NLGN1: variants seen among roughly 807,000 people sequenced by gnomAD.
NLGN1 encodes the protein neuroligin-1.
NLGN1 carries 12 observed loss-of-function variants against 65.5 expected under a neutral mutation model. The observed-to-expected ratio is 0.18, with a 90% CI of 0.12 to 0.30. The LOEUF (loss-of-function observed/expected upper bound fraction) is 0.30, where lower values mean the gene tolerates loss of function less well. Ranked by LOEUF, NLGN1 falls within the 10% of genes least tolerant of loss-of-function variation. The probability of loss-of-function intolerance (pLI) is 1.00; values close to 1 mark genes in which losing one functional copy is unlikely to be tolerated. For synonymous variants in NLGN1, 350 were observed against 359.5 expected (o/e 0.97, Z 0.30); for missense variants, 750 against 1,007.1 (o/e 0.74, Z 3.46).
intron 2 of NLGN1, among the ~76,000 whole-genome samples, chr3:173,476,548 A>G (rs1553861732): frequency 6.6e-6 from 1 of 152,186 alleles, no homozygotes; most frequent in Non-Finnish European, 1.5e-5. Flanking sequence ...ATAGAAGAAT[A>G]TAGAGCGTTT....
chr3:173,397,492 T>C (rs1280268400), upstream of NLGN1, among the ~76,000 whole-genome samples: 1 of 152,060 alleles, frequency 6.6e-6, no homozygotes, highest in Non-Finnish European at 1.5e-5. Flanking sequence ...GTTTGTAAAT[T>C]GCCCGTTTTG....
chr3:173,610,923 TAAAG>T (rs760210940), intron 3 of NLGN1, among the ~76,000 whole-genome samples: 5 of 151,870 alleles, frequency 3.3e-5, no homozygotes, highest in Non-Finnish European at 5.9e-5. Context: ...ATAGAAGAAA[TAAAG>T]AAATATTTTT....
At chr3:173,851,272 T>C (rs796279769) in intron 4 of NLGN1, among the ~76,000 whole-genome samples, 8 of 152,320 alleles carry the variant, frequency 5.3e-5, no homozygotes, top group African/African-American at 1.9e-4. Context: ...AAAGTATAAA[T>C]TAAATTAATG....
At chr3:173,809,208 C>T (rs1299629024) in intron 4 of NLGN1, among the ~76,000 whole-genome samples, 1 of 152,082 alleles carries the variant, frequency 6.6e-6, no homozygotes, top group East Asian at 1.9e-4. Context: ...TTTCTGTGGG[C>T]TGGGATGAGT....
At chr3:174,101,664 G>A (rs780402920) in intron 4 of NLGN1, among the ~76,000 whole-genome samples, 4 of 152,142 alleles carry the variant, frequency 2.6e-5, no homozygotes, top group African/African-American at 4.8e-5. Context: ...AGTCAAAAAC[G>A]TGTCTTTGTC....
intron 2 of NLGN1, among the ~76,000 whole-genome samples, chr3:173,450,742 T>C (rs1490604519): frequency 6.6e-6 from 1 of 152,252 alleles, no homozygotes; most frequent in African/African-American, 2.4e-5. Context: ...CCCGTATTTC[T>C]TGGAGGCTTT....
At chr3:173,682,801 CAA>C (rs1469817008) in intron 3 of NLGN1, among the ~76,000 whole-genome samples, 1 of 151,898 alleles carries the variant, frequency 6.6e-6, no homozygotes, top group Non-Finnish European at 1.5e-5. Context: ...ATAAATGGGT[CAA>C]GTCTTTTAAA....
chr3:173,920,667 C>T (rs1741814385), intron 4 of NLGN1: 1 of 152,036 alleles, frequency 6.6e-6, no homozygotes, highest in Non-Finnish European at 1.5e-5. Context: ...GGTTCACAAC[C>T]CCTGGTTCAA....
intron 3 of NLGN1, among the ~76,000 whole-genome samples, chr3:173,609,807 G>A (rs554072204): frequency 6.6e-6 from 1 of 152,064 alleles, no homozygotes; most frequent in South Asian, 2.1e-4. Context: ...GTGAGAGGGT[G>A]AGAAATTGAA....
At chr3:174,291,058 AAAG>A (rs1319866936), downstream of NLGN1, among the ~76,000 whole-genome samples, 111 of 150,960 alleles carry the variant, frequency 7.4e-4, 1 homozygote, top group African/African-American at 2.6e-3. Flanking sequence ...AGACTAAATT[AAAG>A]GAAATGCAGA....
At chr3:173,520,036 G>C (rs1734499218) in intron 2 of NLGN1, among the ~76,000 whole-genome samples, 1 of 152,142 alleles carries the variant, frequency 6.6e-6, no homozygotes, top group African/African-American at 2.4e-5. Context: ...CTGAGTTCTT[G>C]TGAGGATTGG....
intron 4 of NLGN1, among the ~76,000 whole-genome samples, chr3:174,203,308 T>G (rs1734831382): frequency 6.6e-6 from 1 of 152,200 alleles, no homozygotes; most frequent in South Asian, 2.1e-4. Context: ...AAATCCTTAT[T>G]TGAAGGTCCA....
At chr3:173,676,861 T>A (rs1487599875) in intron 3 of NLGN1, among the ~76,000 whole-genome samples, 1 of 152,082 alleles carries the variant, frequency 6.6e-6, no homozygotes, top group African/African-American at 2.4e-5. Flanking sequence ...TTCTCCTTAT[T>A]TTGTTTGTGT....
intron 2 of NLGN1, among the ~76,000 whole-genome samples, chr3:173,513,920 C>T (rs548999282): frequency 5.3e-4 from 81 of 152,106 alleles, no homozygotes; most frequent in African/African-American, 1.8e-3. Context: ...CCCAGCTACT[C>T]GGGAGCCTGA....
chr3:174,198,846 T>TTTC (rs1733931768), intron 4 of NLGN1, among the ~76,000 whole-genome samples: 1 of 88,062 alleles, frequency 1.1e-5, no homozygotes, highest in Admixed American at 1.2e-4. Context: ...ACTAGATTCT[T>TTTC]TTTTTTTTTT....
intron 4 of NLGN1, among the ~76,000 whole-genome samples, chr3:173,933,172 T>G (rs1744416921): frequency 6.6e-6 from 1 of 152,058 alleles, no homozygotes; most frequent in Non-Finnish European, 1.5e-5. Flanking sequence ...TAGGTGTCAA[T>G]ATGAAAGAGA....
intron 2 of NLGN1, among the ~76,000 whole-genome samples, chr3:173,525,149 A>C (rs1451735278): frequency 6.6e-6 from 1 of 152,108 alleles, no homozygotes; most frequent in East Asian, 1.9e-4. Context: ...AGTTTTTGAA[A>C]TAGTTTCAGT....
chr3:173,567,034 C>T (rs1487122989), intron 2 of NLGN1, among the ~76,000 whole-genome samples: 1 of 152,006 alleles, frequency 6.6e-6, no homozygotes, highest in Non-Finnish European at 1.5e-5. Flanking sequence ...CCTTGTGGGA[C>T]CTCATTTTCC....
chr3:174,059,334 A>T lies in NLGN1; in HGVS notation c.647-215981A>T, dbSNP rs529011844. Among the ~76,000 whole-genome samples the T allele has an allele frequency of 3.3e-5, 5 of 152,280 alleles. No individual in the cohort carries two copies. The South Asian group carries it at 8.3e-4, about 25-fold the overall frequency. ...GTCACAGCCTCAAAGGCAACTTTGA[A>T]TGGAGAGGATATTATATTAGAATTC... On this transcript the variant is annotated intron_variant, in intron 4 of 6. Transcript: ENST00000457714.
Sources: gnomAD v4.1 joint callset for allele counts (sites outside exome capture counted in the v4.1 genomes callset) on GRCh38, gnomAD v4.1.1 for gene constraint, MANE v1.5 for transcripts, NCBI Gene and HGNC (gene_info 2026-07-23, HGNC 2026-07-21) for gene names.